SNRPA1: variants seen among roughly 807,000 people sequenced by gnomAD.
The protein encoded by SNRPA1 is U2 small nuclear ribonucleoprotein A'.
A neutral mutation model predicts 32.3 loss-of-function variants in SNRPA1; 5 were observed. The observed-to-expected ratio is 0.15, with a 90% CI of 0.08 to 0.33. SNRPA1 has a LOEUF of 0.33. Among genes scored for constraint, SNRPA1 ranks in the 10% least tolerant of loss-of-function variants. The pLI is 1.00. For missense variants in SNRPA1, 198 were observed against 311.1 expected (o/e 0.64, Z 2.74); for synonymous variants, 111 against 120.1 (o/e 0.92, Z 0.50).
At chr15:101,289,669 C>A (rs1160372850) in intron 3 of SNRPA1, 1 of 151,982 alleles carries the variant, frequency 6.6e-6, no homozygotes, top group Non-Finnish European at 1.5e-5. Flanking sequence ...CGGTGACTCA[C>A]GCCTATAATC....
At chr15:101,289,763 C>T (rs1481080242) in intron 3 of SNRPA1, 1 of 112,172 alleles carries the variant, frequency 8.9e-6, no homozygotes, top group South Asian at 2.5e-4. Context: ...AACTTCGTCT[C>T]TACTAAAAAA....
rs2039460940 is a variant in SNRPA1, at chr15:101,286,903, C to T, written c.459+5G>A. 6.8e-7 allele frequency: 1 copy of T among 1,473,194 alleles called. No homozygotes were observed. Among genetic ancestry groups the T allele is most frequent in the African/African-American group, 1.4e-5 (1 of 72,056 alleles). The allele number at this position is 1,473,194 out of a possible 1,614,324, so 91.3% of individuals were successfully genotyped here. A position where few individuals can be genotyped will look rare whatever the true frequency, so the allele number is the denominator to read the frequency against. The stretch of plus-strand genomic sequence containing the variant: ...ATGGCTCACAAGCAACAGATTACTA[C>T]TTACTTTTAGTTTCACTTTCTGGAA... On this transcript the variant is annotated splice_donor_5th_base_variant and intron_variant, in intron 5 of 8. Transcript: ENST00000254193.
chr15:101,292,264 T>G (rs1414345941), intron 2 of SNRPA1, among the ~76,000 whole-genome samples: 1 of 152,158 alleles, frequency 6.6e-6, no homozygotes, highest in Non-Finnish European at 1.5e-5. Context: ...TCATACCATC[T>G]AGTGGAACCT....
chr15:101,287,041 C>G (rs775445550), intron 4 of SNRPA1, 31 bp from the exon 5 acceptor site: 2 of 1,221,114 alleles, frequency 1.6e-6, no homozygotes, highest in South Asian at 1.2e-5. Flanking sequence ...CAATGGCAAA[C>G]TTGTTCATGG....
chr15:101,291,956 A>T lies in SNRPA1; in HGVS notation c.309+6T>A. The T allele has an allele frequency of 6.3e-7, 1 of 1,599,836 alleles. No homozygotes were observed. Among genetic ancestry groups the T allele is most frequent in the Non-Finnish European group, 8.6e-7 (1 of 1,168,418 alleles). On this transcript the variant is annotated splice_donor_region_variant and intron_variant, in intron 3 of 8. Coordinates refer to ENST00000254193, the MANE Select transcript of SNRPA1 (RefSeq NM_003090.4). The stretch of plus-strand genomic sequence containing the variant: ...ACCAAATACATTTTCCTTCTGTGCA[A>T]CTTACCAGTTCCACGAGACTATTAT...
At chr15:101,294,784 G>A (rs2039568903) in intron 1 of SNRPA1, 1 of 350,274 alleles carries the variant, frequency 2.9e-6, no homozygotes, top group African/African-American at 2.1e-5. Flanking sequence ...CGCTCTTCCG[G>A]GCCCTCAAAC....
chr15:101,290,447 T>C (rs551619473), intron 3 of SNRPA1, among the ~76,000 whole-genome samples: 3 of 152,308 alleles, frequency 2.0e-5, no homozygotes, highest in South Asian at 4.1e-4. Flanking sequence ...CTTATGTTTG[T>C]AGTCAAGCAT....
intron 8 of SNRPA1, among the ~76,000 whole-genome samples, chr15:101,284,108 T>A (rs1200647668): frequency 6.6e-6 from 1 of 152,248 alleles, no homozygotes; most frequent in Non-Finnish European, 1.5e-5. Flanking sequence ...GTGCCCCACA[T>A]GCAGCCTAGC....
intron 8 of SNRPA1, among the ~76,000 whole-genome samples, chr15:101,282,660 G>C (rs1242538406): frequency 6.6e-6 from 1 of 151,974 alleles, no homozygotes; most frequent in African/African-American, 2.4e-5. Flanking sequence ...CGTATCATTT[G>C]GAAAACTGTG....
At chr15:101,289,079 A>G (rs1393489385) in intron 3 of SNRPA1, among the ~76,000 whole-genome samples, 1 of 152,218 alleles carries the variant, frequency 6.6e-6, no homozygotes, top group Non-Finnish European at 1.5e-5. Context: ...CCATCTTCAA[A>G]TATGTCACAA....
In SNRPA1 at chr15:101,294,036, C is replaced by A. The variant is rs541221412; in HGVS notation, c.83-864G>T. ...ATCACCTGAGGTCGGGAGTTCGAGA[C>A]CAGCCTGACCAACATGGAGAAACCA... is the stretch of plus-strand genomic sequence containing the variant. On this transcript the variant is annotated intron_variant, in intron 1 of 8. Coordinates refer to ENST00000254193, the MANE Select transcript of SNRPA1 (RefSeq NM_003090.4). Among the ~76,000 whole-genome samples the A allele has an allele frequency of 7.9e-4, 121 of 152,288 alleles. 4 individuals are homozygous for A. In the South Asian group the frequency reaches 0.024, roughly 30 times the overall value.
chr15:101,292,880 A>AT (rs1429218880), intron 2 of SNRPA1, 145 bp downstream of exon 2: 5 of 493,468 alleles, frequency 1.0e-5, no homozygotes, highest in East Asian at 3.5e-5. Flanking sequence ...TGGAAAAAAT[A>AT]TTTTTTCAAA....
At chr15:101,285,828 T>G in intron 6 of SNRPA1, 27 bp from the exon 7 acceptor site, 1 of 1,561,186 alleles carries the variant, frequency 6.4e-7, no homozygotes, top group Non-Finnish European at 8.8e-7. Context: ...ACATAACTGT[T>G]AGACCTAGAC....
chr15:101,290,914 G>T (rs1264925955), intron 3 of SNRPA1, among the ~76,000 whole-genome samples: 2 of 151,960 alleles, frequency 1.3e-5, no homozygotes, highest in South Asian at 4.1e-4. Context: ...GCTAATTTTT[G>T]TATTTTTAGT....
At chr15:101,282,814 G>A (rs899427524) in intron 8 of SNRPA1, among the ~76,000 whole-genome samples, 14 of 152,136 alleles carry the variant, frequency 9.2e-5, no homozygotes, top group East Asian at 1.9e-4. Context: ...GGCAGGTTAC[G>A]GCAGTGGATA....
chr15:101,292,376 A>C (rs1433949471), intron 2 of SNRPA1, among the ~76,000 whole-genome samples: 1 of 152,252 alleles, frequency 6.6e-6, no homozygotes, highest in Non-Finnish European at 1.5e-5. Flanking sequence ...TTCCCAGCTC[A>C]GGTACAAGAC....
chr15:101,286,467 T>G lies in SNRPA1; in HGVS notation c.460-174A>C, dbSNP rs561409097. 4 of 542,338 alleles carry G rather than the reference T, an allele frequency of 7.4e-6. No individual in the cohort carries two copies. In the Admixed American group the frequency reaches 1.5e-4, roughly 20 times the overall value. 33.6% of individuals were successfully genotyped at this position (542,338 alleles called of 1,614,324 possible). A position where few individuals can be genotyped will look rare whatever the true frequency, so the allele number is the denominator to read the frequency against. ...AGTGGTCTTCTTTCTTTGGTAGAGC[T>G]CCCTGAAGAAAGTTCATTCTCCTAG... On this transcript the variant is annotated intron_variant, in intron 5 of 8. Coordinates refer to ENST00000254193, the MANE Select transcript of SNRPA1 (RefSeq NM_003090.4).
In SNRPA1 at chr15:101,295,183, C is replaced by T; in HGVS notation, c.-5G>A. 10 of 1,542,914 alleles carry T rather than the reference C, an allele frequency of 6.5e-6. No individual in the cohort carries two copies. The highest frequency in any genetic ancestry group is 1.2e-5 in the South Asian group (1 of 83,226). The stretch of plus-strand genomic sequence containing the variant: ...CTCCGCCGTCAGCTTGACCATCCTG[C>T]AGCCTCCCGTTCCCCCGCGCTGTGG... On this transcript the variant is annotated 5_prime_UTR_variant, in exon 1 of 9. Transcript: ENST00000254193.
intron 7 of SNRPA1, among the ~76,000 whole-genome samples, chr15:101,285,426 G>A (rs560517234): frequency 2.6e-5 from 4 of 152,170 alleles, no homozygotes; most frequent in African/African-American, 4.8e-5. Flanking sequence ...GCAAATCTTC[G>A]AAAGTAAAAA....
Sources: gnomAD v4.1 joint callset for allele counts (sites outside exome capture counted in the v4.1 genomes callset) on GRCh38, gnomAD v4.1.1 for gene constraint, MANE v1.5 for transcripts, NCBI Gene and HGNC (gene_info 2026-07-23, HGNC 2026-07-21) for gene names.